Variants in RIMS1 observed in about 807,000 individuals in gnomAD.
The protein encoded by RIMS1 is regulating synaptic membrane exocytosis protein 1.
RIMS1 carries 83 observed loss-of-function variants against 214.1 expected under a neutral mutation model. That is an observed-to-expected ratio of 0.39 (90% CI 0.32 to 0.47). The LOEUF (loss-of-function observed/expected upper bound fraction) is 0.47, where lower values mean the gene tolerates loss of function less well. Among genes scored for constraint, RIMS1 ranks in the 20% least tolerant of loss-of-function variants. RIMS1 has a pLI of 0.99. For synonymous variants in RIMS1, 793 were observed against 786.8 expected, an observed-to-expected ratio of 1.01 and a Z score of -0.13; for missense variants, 2,050 against 2,161.8, an observed-to-expected ratio of 0.95 and a Z score of 1.03.
chr6:72,313,393 C>T (rs45624840), intron 27 of RIMS1, 113 bp from the exon 28 acceptor site: 10,282 of 822,438 alleles, frequency 0.013, 109 homozygotes, highest in African/African-American at 0.037. Flanking sequence ...TACAGCTACT[C>T]TTATGAAGGT....
chr6:72,315,575 A>T (rs1396129490), intron 28 of RIMS1, among the ~76,000 whole-genome samples: 1 of 152,154 alleles, frequency 6.6e-6, no homozygotes, highest in African/African-American at 2.4e-5. Flanking sequence ...ATAATTAGGA[A>T]GAATAGAGAG....
chr6:72,295,036 G>A (rs1017848659), intron 26 of RIMS1, among the ~76,000 whole-genome samples: 2 of 151,762 alleles, frequency 1.3e-5, no homozygotes, highest in Non-Finnish European at 3.0e-5. Flanking sequence ...TTAATTGGTT[G>A]TATAAAAATG....
At chr6:72,009,484 C>T (rs1809388982) in intron 2 of RIMS1, among the ~76,000 whole-genome samples, 1 of 152,004 alleles carries the variant, frequency 6.6e-6, no homozygotes. Context: ...CAGAGCAGAA[C>T]TGAAGGAAAT....
chr6:72,086,287 G>A (rs1834639455), intron 2 of RIMS1, among the ~76,000 whole-genome samples: 1 of 152,056 alleles, frequency 6.6e-6, no homozygotes, highest in East Asian at 1.9e-4. Context: ...ATCTAGAATA[G>A]CATATTATAT....
intron 1 of RIMS1, among the ~76,000 whole-genome samples, chr6:71,956,391 T>C (rs1039320421): frequency 6.6e-6 from 1 of 152,290 alleles, no homozygotes; most frequent in African/African-American, 2.4e-5. Flanking sequence ...AAATTGATAT[T>C]ATTAACATGT....
chr6:72,315,340 A>T (rs891910643), intron 28 of RIMS1, among the ~76,000 whole-genome samples: 3 of 152,040 alleles, frequency 2.0e-5, no homozygotes, highest in African/African-American at 7.2e-5. Flanking sequence ...TGATAAATCT[A>T]TTTTCTCTAA....
intron 4 of RIMS1, among the ~76,000 whole-genome samples, chr6:72,111,773 G>A (rs2153820571): frequency 6.6e-6 from 1 of 152,138 alleles, no homozygotes; most frequent in African/African-American, 2.4e-5. Context: ...TCTCTCTCTG[G>A]GCCACTCCCA....
intron 6 of RIMS1, 87 bp from the exon 7 acceptor site, chr6:72,233,686 T>C (rs765333384): frequency 2.6e-4 from 249 of 969,726 alleles, no homozygotes; most frequent in Non-Finnish European, 3.9e-4. Flanking sequence ...ATATTAAAAC[T>C]CTTTATAGAT....
chr6:71,944,846 T>C (rs1285341998), intron 1 of RIMS1, among the ~76,000 whole-genome samples: 2 of 152,148 alleles, frequency 1.3e-5, no homozygotes, highest in Non-Finnish European at 1.5e-5. Flanking sequence ...TAGAAAAAGC[T>C]CTTTTTTGAC....
At chr6:72,032,921 G>A (rs1018835963) in intron 2 of RIMS1, among the ~76,000 whole-genome samples, 1 of 152,154 alleles carries the variant, frequency 6.6e-6, no homozygotes, top group Admixed American at 6.6e-5. Context: ...GTACTGAAGG[G>A]TATATAAAAA....
At position 72,078,703 on chromosome 6, in the gene RIMS1, G is replaced by C. The variant is rs570324813; in HGVS notation, c.246-18246G>C. Reference sequence around the variant, plus strand: ...AAAAAAACAAGCAAACAAAAACAATGCTCCTTTATTTAAAGGAGCATTTTC... The same window carrying C: ...AAAAAAACAAGCAAACAAAAACAATCCTCCTTTATTTAAAGGAGCATTTTC... On this transcript the variant is annotated intron_variant, in intron 2 of 33. Coordinates refer to ENST00000521978, the MANE Select transcript of RIMS1 (RefSeq NM_014989.7). Among the ~76,000 whole-genome samples, 6 of 152,004 alleles carry C rather than the reference G, an allele frequency of 3.9e-5. No individual in the cohort carries two copies. The East Asian group carries it at 5.8e-4, about 15-fold the overall frequency.
chr6:72,008,488 G>T (rs960697170), intron 2 of RIMS1, among the ~76,000 whole-genome samples: 1 of 152,156 alleles, frequency 6.6e-6, no homozygotes, highest in Non-Finnish European at 1.5e-5. Context: ...AACGTTCAAT[G>T]TAAATGGGCT....
At chr6:71,912,283 T>A (rs1300171628) in intron 1 of RIMS1, among the ~76,000 whole-genome samples, 3 of 152,144 alleles carry the variant, frequency 2.0e-5, no homozygotes, top group African/African-American at 7.2e-5. Context: ...AGTCATAATT[T>A]GTTTTGTTAC....
intron 4 of RIMS1, among the ~76,000 whole-genome samples, chr6:72,170,790 G>C (rs967294061): frequency 6.6e-6 from 1 of 152,060 alleles, no homozygotes; most frequent in Admixed American, 6.5e-5. Context: ...TCAAAAATAT[G>C]TACTGAGTGT....
intron 4 of RIMS1, among the ~76,000 whole-genome samples, chr6:72,130,543 G>T (rs2153837710): frequency 1.3e-5 from 2 of 152,240 alleles, no homozygotes; most frequent in Middle Eastern, 6.8e-3. Context: ...GTGTTTTGGG[G>T]ATATTGTGCT....
At chr6:72,164,496 G>A (rs769725844) in intron 4 of RIMS1, among the ~76,000 whole-genome samples, 27 of 152,174 alleles carry the variant, frequency 1.8e-4, no homozygotes, top group African/African-American at 2.9e-4. Flanking sequence ...GCCTGGAGCT[G>A]TAGACTGGAG....
chr6:72,171,710 A>T (rs186237506), intron 4 of RIMS1, among the ~76,000 whole-genome samples: 50 of 152,238 alleles, frequency 3.3e-4, no homozygotes, highest in Middle Eastern at 3.4e-3. Flanking sequence ...ATGAGAACCT[A>T]GGCAGTTTAA....
At chr6:72,264,886 T>A (rs913910041) in intron 19 of RIMS1, 89 bp from the exon 20 acceptor site, 1 of 764,442 alleles carries the variant, frequency 1.3e-6, no homozygotes, top group African/African-American at 1.8e-5. Context: ...TATATAGCTT[T>A]ATAGGCCTCC....
At chr6:71,929,192 C>T (rs1221203958) in intron 1 of RIMS1, among the ~76,000 whole-genome samples, 1 of 152,034 alleles carries the variant, frequency 6.6e-6, no homozygotes, top group Non-Finnish European at 1.5e-5. Flanking sequence ...TCCATGAGAG[C>T]AGAGCTTCAG....
Sources: allele counts gnomAD v4.1 joint callset (sites outside exome capture counted in the v4.1 genomes callset), GRCh38; gene constraint gnomAD v4.1.1; transcripts MANE v1.5; gene names NCBI Gene and HGNC (gene_info 2026-07-23, HGNC 2026-07-21).